KIAA0586: variants seen among roughly 807,000 people sequenced by gnomAD.
The protein encoded by KIAA0586 is protein TALPID3.
Under a neutral mutation model 169.8 loss-of-function variants are expected in KIAA0586, and 144 were observed. The ratio of observed to expected loss-of-function variants is 0.85; its 90% CI spans 0.74 to 0.97. The LOEUF is 0.97. Ranked by LOEUF, KIAA0586 falls within the 50% of genes least tolerant of loss-of-function variation. KIAA0586 has a pLI of 0.00. For missense variants in KIAA0586, 1,854 were observed against 1,823.0 expected, an observed-to-expected ratio of 1.02 and a Z score of -0.31; for synonymous variants, 625 against 612.4, an observed-to-expected ratio of 1.02 and a Z score of -0.30.
chr14:58,525,912 G>A (rs1017013464), intron 29 of KIAA0586, among the ~76,000 whole-genome samples: 7 of 152,158 alleles, frequency 4.6e-5, no homozygotes, highest in African/African-American at 1.4e-4. Context: ...TTGAGTAGGC[G>A]GTTTTCCCCT....
chr14:58,447,916 A>G (rs1448266692), intron 6 of KIAA0586, among the ~76,000 whole-genome samples: 1 of 152,202 alleles, frequency 6.6e-6, no homozygotes, highest in Non-Finnish European at 1.5e-5. Context: ...TGATTTTCAA[A>G]CCTTGACCTC....
chr14:58,512,126 G>C (rs1037206548), intron 28 of KIAA0586, among the ~76,000 whole-genome samples: 3 of 152,116 alleles, frequency 2.0e-5, no homozygotes, highest in African/African-American at 7.2e-5. Flanking sequence ...GCATTATGCA[G>C]ATTTTCATTT....
chr14:58,507,043 G>C, intron 27 of KIAA0586, among the ~76,000 whole-genome samples: 1 of 151,592 alleles, frequency 6.6e-6, no homozygotes, highest in East Asian at 1.9e-4. Context: ...AGCTACTCAG[G>C]ATGCTGAGGT....
chr14:58,514,515 A>G (rs542810590), intron 29 of KIAA0586, among the ~76,000 whole-genome samples: 1 of 152,174 alleles, frequency 6.6e-6, no homozygotes, highest in African/African-American at 2.4e-5. Flanking sequence ...ATATGTCTAT[A>G]AAGAAAGGAG....
intron 4 of KIAA0586, among the ~76,000 whole-genome samples, chr14:58,440,353 C>T (rs1016635260): frequency 1.3e-5 from 2 of 151,852 alleles, no homozygotes; most frequent in African/African-American, 2.4e-5. Flanking sequence ...TTTCTTTAGA[C>T]TGAGTTTCGC....
At chr14:58,439,805 C>T in intron 4 of KIAA0586, 2 of 981,244 alleles carry the variant, frequency 2.0e-6, no homozygotes, top group Non-Finnish European at 2.4e-6. Flanking sequence ...TCTGTGATGC[C>T]CTTAAAAGTC....
rs776409431 is a variant in KIAA0586 at position 58,444,168 on chromosome 14, A to T, written c.800A>T (p.Asp267Val). ...HLEKLQQQQI[D>V]IQTHFISAAL... ...GAAAAGTTACAACAACAACAAATAGATATTCAGGTATCTGTAATAAATCCA... is the reference window on the plus strand; with the variant it reads ...GAAAAGTTACAACAACAACAAATAGTTATTCAGGTATCTGTAATAAATCCA... The change falls in exon 6 of 31, where the codon GAT (aspartate) becomes GTT (valine). Residue 267 changes from aspartate (D) to valine (V), a missense_variant. Transcript: ENST00000652326. The T allele has an allele frequency of 1.3e-6, 2 of 1,591,900 alleles. No individual in the cohort carries two copies. The highest frequency in any genetic ancestry group is 1.7e-6 in the Non-Finnish European group (2 of 1,160,500).
intron 26 of KIAA0586, among the ~76,000 whole-genome samples, chr14:58,496,097 G>A (rs1220728058): frequency 6.6e-6 from 1 of 152,134 alleles, no homozygotes; most frequent in Non-Finnish European, 1.5e-5. Context: ...CTAAGTTGTG[G>A]CTTTTCTTTG....
At chr14:58,430,808 A>C in intron 3 of KIAA0586, 91 bp downstream of exon 3, 1 of 681,642 alleles carries the variant, frequency 1.5e-6, no homozygotes, top group Non-Finnish European at 2.5e-6. Context: ...TGTGACAGTA[A>C]GTACATTCAC....
Position 58,427,783 on chromosome 14 carries a change from AT to A in KIAA0586, c.-479del. 4.0e-6 allele frequency: 6 copies of A among 1,518,542 alleles called. No homozygotes were observed. The highest frequency in any genetic ancestry group is 5.3e-6 in the Non-Finnish European group (6 of 1,138,268). 94.1% of individuals were successfully genotyped at this position (1,518,542 alleles called of 1,614,324 possible). On this transcript the variant is annotated 5_prime_UTR_variant, in exon 1 of 31. Coordinates refer to ENST00000652326, the MANE Select transcript of KIAA0586 (RefSeq NM_001329943.3). ...GCGTTCTGGAGATACGTAGGGGTGA[AT>A]TTATGTTTCCGACGATTGCATCTGG...
At chr14:58,464,920 A>G (rs1345383520) in intron 14 of KIAA0586, among the ~76,000 whole-genome samples, 1 of 152,074 alleles carries the variant, frequency 6.6e-6, no homozygotes, top group African/African-American at 2.4e-5. Flanking sequence ...TGTAAAACTT[A>G]TGACAGCCGG....
At chr14:58,494,659 G>T (rs2043047376) in intron 26 of KIAA0586, among the ~76,000 whole-genome samples, 1 of 152,082 alleles carries the variant, frequency 6.6e-6, no homozygotes, top group Admixed American at 6.6e-5. Context: ...CCACTATATG[G>T]CTCTCCTGGT....
At chr14:58,509,421 A>G (rs764751030) in intron 28 of KIAA0586, among the ~76,000 whole-genome samples, 35 of 152,176 alleles carry the variant, frequency 2.3e-4, no homozygotes, top group Non-Finnish European at 4.1e-4. Flanking sequence ...ATGCTGAGGT[A>G]AGCCAATGGC....
At chr14:58,501,360 T>G (rs898279916) in intron 27 of KIAA0586, among the ~76,000 whole-genome samples, 2 of 152,170 alleles carry the variant, frequency 1.3e-5, no homozygotes, top group East Asian at 1.9e-4. Context: ...GAAATGTGAC[T>G]TACATTTATG....
intron 26 of KIAA0586, among the ~76,000 whole-genome samples, chr14:58,497,814 T>A (rs2043264751): frequency 6.6e-6 from 1 of 152,108 alleles, no homozygotes; most frequent in Non-Finnish European, 1.5e-5. Context: ...TTTCTGTTAT[T>A]CCCATTTTAA....
At chr14:58,496,376 T>C (rs555403000) in intron 26 of KIAA0586, among the ~76,000 whole-genome samples, 1 of 152,316 alleles carries the variant, frequency 6.6e-6, no homozygotes, top group South Asian at 2.1e-4. Context: ...CAGTTGCAAA[T>C]ATCCTAGAAA....
chr14:58,460,039 C>T lies in KIAA0586; in HGVS notation c.1853C>T (p.Pro618Leu). Residue 618 changes from proline (P) to leucine (L), a missense_variant, in exon 13 of 31, where the codon CCT becomes CTT. Coordinates refer to ENST00000652326, the MANE Select transcript of KIAA0586 (RefSeq NM_001329943.3). Reference sequence around the variant, plus strand: ...AGAAATCTACCTATGAGGGGCATGCCTGCTTCAAGTTTACAGAAAGAGAGA... The same window carrying T: ...AGAAATCTACCTATGAGGGGCATGCTTGCTTCAAGTTTACAGAAAGAGAGA... ...HFRNLPMRGM[P>L]ASSLQKERKE... 1 of 1,529,692 alleles carries T rather than the reference C, an allele frequency of 6.5e-7. No homozygotes were observed. The highest frequency in any genetic ancestry group is 8.7e-7 in the Non-Finnish European group (1 of 1,143,046). The allele number at this position is 1,529,692 out of a possible 1,614,324, so 94.8% of individuals were successfully genotyped here. A position where few individuals can be genotyped will look rare whatever the true frequency, so the allele number is the denominator to read the frequency against.
intron 26 of KIAA0586, among the ~76,000 whole-genome samples, chr14:58,497,786 A>G (rs1400885093): frequency 6.6e-6 from 1 of 152,000 alleles, no homozygotes; most frequent in Non-Finnish European, 1.5e-5. Context: ...ATTTTTATTC[A>G]TGAAGAATGA....
At chr14:58,555,824 A>C (rs1165271831), downstream of KIAA0586, among the ~76,000 whole-genome samples, 1 of 152,184 alleles carries the variant, frequency 6.6e-6, no homozygotes, top group Non-Finnish European at 1.5e-5. Context: ...TTATGAGCCA[A>C]TTATAGCTTG....
Sources: gnomAD v4.1 joint callset for allele counts (sites outside exome capture counted in the v4.1 genomes callset) on GRCh38, gnomAD v4.1.1 for gene constraint, MANE v1.5 for transcripts, NCBI Gene and HGNC (gene_info 2026-07-23, HGNC 2026-07-21) for gene names.